The following STIMATE variants were observed in gnomAD, a reference collection of about 807,000 sequenced individuals.
The protein encoded by STIMATE is store-operated calcium entry regulator STIMATE.
A neutral mutation model predicts 36.7 loss-of-function variants in STIMATE; 15 were observed. The observed-to-expected ratio is 0.41, with a 90% CI of 0.27 to 0.63. The LOEUF (loss-of-function observed/expected upper bound fraction) is 0.63. Ranked by LOEUF, STIMATE falls within the 20% of genes least tolerant of loss-of-function variation. The pLI is 0.32. For missense variants in STIMATE, 305 were observed against 397.3 expected (o/e 0.77, Z 1.98); for synonymous variants, 163 against 162.3 (o/e 1.00, Z -0.03).
At chr3:52,878,490 G>A (rs1399244117) in intron 1 of STIMATE, among the ~76,000 whole-genome samples, 3 of 152,022 alleles carry the variant, frequency 2.0e-5, no homozygotes, top group South Asian at 2.1e-4. Context: ...CTGTGGTCCC[G>A]GCTGTACCAC....
intron 1 of STIMATE, among the ~76,000 whole-genome samples, chr3:52,882,831 C>T (rs1445872225): frequency 6.6e-6 from 1 of 152,056 alleles, no homozygotes; most frequent in East Asian, 1.9e-4. Flanking sequence ...GGGCTTAGGA[C>T]CTGGCAATTA....
chr3:52,864,807 T>A (rs1467377725), intron 1 of STIMATE, among the ~76,000 whole-genome samples: 1 of 152,134 alleles, frequency 6.6e-6, no homozygotes, highest in Non-Finnish European at 1.5e-5. Flanking sequence ...GTGCCACCAG[T>A]CTCTTTGCTA....
chr3:52,855,342 GA>G, intron 2 of STIMATE, 53 bp downstream of exon 2: 1 of 900,942 alleles, frequency 1.1e-6, no homozygotes. Flanking sequence ...CCAGCCCCAA[GA>G]CCCCCAACAT....
At chr3:52,867,066 C>A (rs564347098) in intron 1 of STIMATE, among the ~76,000 whole-genome samples, 224 of 152,278 alleles carry the variant, frequency 1.5e-3, no homozygotes, top group African/African-American at 4.6e-3. Context: ...TTGCATCCCT[C>A]TTACCAGATG....
intron 1 of STIMATE, among the ~76,000 whole-genome samples, chr3:52,895,606 C>T (rs746550683): frequency 2.6e-5 from 4 of 152,224 alleles, no homozygotes; most frequent in Non-Finnish European, 5.9e-5. Flanking sequence ...TCCCTGAAGA[C>T]TCCACTCAGA....
intron 1 of STIMATE, among the ~76,000 whole-genome samples, chr3:52,861,503 C>T (rs1701214356): frequency 6.6e-6 from 1 of 152,184 alleles, no homozygotes; most frequent in Non-Finnish European, 1.5e-5. Flanking sequence ...TGAATCCTGT[C>T]TCTGCTACTA....
chr3:52,883,484 T>C (rs1701643088), intron 1 of STIMATE, among the ~76,000 whole-genome samples: 3 of 152,322 alleles, frequency 2.0e-5, no homozygotes, highest in Admixed American at 2.0e-4. Flanking sequence ...GAGTTTATAA[T>C]TTTCATCAAC....
At chr3:52,855,926 CTAGA>C in intron 1 of STIMATE, among the ~76,000 whole-genome samples, 1 of 152,322 alleles carries the variant, frequency 6.6e-6, no homozygotes, top group East Asian at 1.9e-4. Context: ...GTGACACGTG[CTAGA>C]GAAGAGTGAA....
At chr3:52,879,773 G>A (rs1171625401) in intron 1 of STIMATE, among the ~76,000 whole-genome samples, 1 of 152,164 alleles carries the variant, frequency 6.6e-6, no homozygotes, top group Non-Finnish European at 1.5e-5. Context: ...TGCCCCTCTT[G>A]TCCTATCATG....
At chr3:52,890,821 C>G (rs1701770979) in intron 1 of STIMATE, among the ~76,000 whole-genome samples, 1 of 152,172 alleles carries the variant, frequency 6.6e-6, no homozygotes, top group Non-Finnish European at 1.5e-5. Flanking sequence ...CCCTGCAGAC[C>G]CTTCCTCACC....
intron 1 of STIMATE, among the ~76,000 whole-genome samples, chr3:52,877,962 C>T (rs762115988): frequency 3.9e-5 from 6 of 152,024 alleles, no homozygotes; most frequent in Admixed American, 1.3e-4. Flanking sequence ...AGTGTGGTGG[C>T]ACATGCCTGT....
chr3:52,859,502 CAAAAAAAAAAA>C (rs34298807), intron 1 of STIMATE, among the ~76,000 whole-genome samples: 10 of 15,646 alleles, frequency 6.4e-4, no homozygotes, highest in East Asian at 2.3e-3. Flanking sequence ...CCCATTTCTC[CAAAAAAAAAAA>C]AAAAAAAAAA....
At position 52,844,949 on chromosome 3, in the gene STIMATE, G is replaced by C. The variant is rs770514695; in HGVS notation, c.428-8C>G. 3.7e-6 allele frequency: 6 copies of C among 1,612,902 alleles called. No individual in the cohort carries two copies. The highest frequency in any genetic ancestry group is 4.2e-6 in the Non-Finnish European group (5 of 1,179,414). On this transcript the variant is annotated splice_region_variant and splice_polypyrimidine_tract_variant and intron_variant, in intron 4 of 7. Coordinates refer to ENST00000355083, the MANE Select transcript of STIMATE (RefSeq NM_198563.5). ...CACACTGCAGAGGGTCTCCTGCAGGGACAGGCGGGTGCTTAGTCACATGGG... is the reference window on the plus strand; with the variant it reads ...CACACTGCAGAGGGTCTCCTGCAGGCACAGGCGGGTGCTTAGTCACATGGG...
intron 1 of STIMATE, among the ~76,000 whole-genome samples, chr3:52,888,946 C>T (rs994565754): frequency 7.2e-5 from 11 of 152,294 alleles, no homozygotes; most frequent in African/African-American, 2.6e-4. Flanking sequence ...CCTCCTTCCT[C>T]GTGCCACCCC....
intron 2 of STIMATE, among the ~76,000 whole-genome samples, chr3:52,853,298 G>A (rs1701041230): frequency 6.6e-6 from 1 of 152,224 alleles, no homozygotes; most frequent in African/African-American, 2.4e-5. Flanking sequence ...CCTGAGGGCT[G>A]TAGTGTGCCA....
At chr3:52,886,568 C>T (rs1701689565) in intron 1 of STIMATE, among the ~76,000 whole-genome samples, 1 of 152,196 alleles carries the variant, frequency 6.6e-6, no homozygotes, top group Non-Finnish European at 1.5e-5. Flanking sequence ...GTTTCGTCAC[C>T]AGAGAGTTAC....
chr3:52,870,904 G>T (rs531556939), intron 1 of STIMATE, among the ~76,000 whole-genome samples: 2 of 152,108 alleles, frequency 1.3e-5, no homozygotes, highest in South Asian at 4.2e-4. Context: ...GAAGGTCTGG[G>T]GGAAGGCGGG....
intron 5 of STIMATE, among the ~76,000 whole-genome samples, chr3:52,844,175 C>G (rs1204568671): frequency 6.6e-6 from 1 of 152,206 alleles, no homozygotes; most frequent in East Asian, 1.9e-4. Context: ...CCCCAGACCA[C>G]TTTCTAACAG....
intron 1 of STIMATE, among the ~76,000 whole-genome samples, chr3:52,863,032 GC>G (rs1701243227): frequency 6.6e-6 from 1 of 152,198 alleles, no homozygotes. Context: ...GAGTGTGGCC[GC>G]TGCCCACACC....
Sources: allele counts gnomAD v4.1 joint callset (sites outside exome capture counted in the v4.1 genomes callset), GRCh38; gene constraint gnomAD v4.1.1; transcripts MANE v1.5; gene names NCBI Gene and HGNC (gene_info 2026-07-23, HGNC 2026-07-21).